The following SEMA3A variants were observed in gnomAD, a reference collection of about 807,000 sequenced individuals.
The protein encoded by SEMA3A is semaphorin 3A.
Under a neutral mutation model 97.9 loss-of-function variants are expected in SEMA3A, and 29 were observed. The ratio of observed to expected loss-of-function variants is 0.30; its 90% CI spans 0.22 to 0.40. The LOEUF (loss-of-function observed/expected upper bound fraction) is 0.40. Ranked by LOEUF, SEMA3A falls within the 10% of genes least tolerant of loss-of-function variation. The pLI, the probability that SEMA3A is intolerant of heterozygous loss-of-function variation, is 1.00. For synonymous variants in SEMA3A, 321 were observed against 323.7 expected (o/e 0.99, Z 0.09); for missense variants, 763 against 951.3 (o/e 0.80, Z 2.60).
chr7:84,105,915 T>C (rs748733710), intron 4 of SEMA3A, among the ~76,000 whole-genome samples: 1 of 152,186 alleles, frequency 6.6e-6, no homozygotes, highest in African/African-American at 2.4e-5. Flanking sequence ...ATGTGTATGA[T>C]GTATGTGACC....
At chr7:84,009,167 T>C (rs1429530529) in intron 9 of SEMA3A, among the ~76,000 whole-genome samples, 1 of 152,206 alleles carries the variant, frequency 6.6e-6, no homozygotes, top group Non-Finnish European at 1.5e-5. Flanking sequence ...CCAGAAACTC[T>C]GGAGGCAAGG....
intron 2 of SEMA3A, among the ~76,000 whole-genome samples, chr7:84,327,876 C>T (rs1038072353): frequency 2.6e-5 from 4 of 151,896 alleles, no homozygotes; most frequent in African/African-American, 4.8e-5. Context: ...TTTTCCTTTT[C>T]GCTAGATTTT....
intron 1 of SEMA3A, among the ~76,000 whole-genome samples, chr7:84,184,384 G>A (rs948751290): frequency 1.3e-5 from 2 of 152,182 alleles, no homozygotes; most frequent in African/African-American, 2.4e-5. Context: ...TGTGGTGAAA[G>A]TAAGAAACTC....
chr7:83,986,601 C>T (rs915583822), intron 12 of SEMA3A, among the ~76,000 whole-genome samples: 1 of 152,050 alleles, frequency 6.6e-6, no homozygotes, highest in Non-Finnish European at 1.5e-5. Flanking sequence ...ACAAACATTA[C>T]GAGAAGACAG....
intron 3 of SEMA3A, among the ~76,000 whole-genome samples, chr7:84,206,457 G>A (rs1431443272): frequency 1.3e-5 from 2 of 151,768 alleles, no homozygotes; most frequent in Non-Finnish European, 1.5e-5. Flanking sequence ...CAAGTAGCTG[G>A]GACTATAGGC....
intron 3 of SEMA3A, among the ~76,000 whole-genome samples, chr7:84,286,634 G>GTAAAAACTATGAGTAAAAAACTTTTA (rs1800595951): frequency 6.6e-6 from 1 of 151,990 alleles, no homozygotes; most frequent in Admixed American, 6.6e-5. Context: ...AAGATACAGG[G>GTAAAAACTATGAGTAAAAAACTTTTA]CTCAGAATAT....
At chr7:84,321,028 T>C (rs113698371) in intron 2 of SEMA3A, among the ~76,000 whole-genome samples, 4 of 152,326 alleles carry the variant, frequency 2.6e-5, no homozygotes, top group African/African-American at 9.6e-5. Flanking sequence ...TTTCATTCTT[T>C]CTTGTTGACT....
At chr7:84,459,542 T>C (rs1012488968) in intron 1 of SEMA3A, among the ~76,000 whole-genome samples, 1 of 152,156 alleles carries the variant, frequency 6.6e-6, no homozygotes, top group African/African-American at 2.4e-5. Context: ...TTCAAATCAA[T>C]AGTGTGAAGA....
chr7:84,316,916 T>C (rs1235264199), intron 2 of SEMA3A, among the ~76,000 whole-genome samples: 2 of 152,186 alleles, frequency 1.3e-5, no homozygotes, highest in Admixed American at 6.5e-5. Flanking sequence ...CTTTCACAAG[T>C]AGCAGGCTCC....
At chr7:84,058,522 C>A (rs1199594542) in intron 5 of SEMA3A, among the ~76,000 whole-genome samples, 1 of 152,130 alleles carries the variant, frequency 6.6e-6, no homozygotes, top group South Asian at 2.1e-4. Flanking sequence ...AACTTCAACA[C>A]AGAGAGTTTC....
intron 1 of SEMA3A, among the ~76,000 whole-genome samples, chr7:84,179,753 A>G (rs1323469255): frequency 3.3e-5 from 5 of 151,942 alleles, no homozygotes; most frequent in Admixed American, 2.6e-4. Context: ...GTTTTAAAAG[A>G]ACATTTTCTA....
chr7:83,988,888 C>G (rs1182394862), intron 12 of SEMA3A, among the ~76,000 whole-genome samples: 1 of 140,288 alleles, frequency 7.1e-6, no homozygotes. Flanking sequence ...CTGACAGAGT[C>G]TCGCTGTTGC....
At position 84,034,780 on chromosome 7, in the gene SEMA3A, T is replaced by G. The variant is rs944001750; in HGVS notation, c.667+11544A>C. Among the ~76,000 whole-genome samples the G allele has an allele frequency of 1.7e-4, 13 of 77,856 alleles. No homozygotes were observed. The Admixed American group carries it at 1.7e-3, about 10-fold the overall frequency. 51.1% of individuals were successfully genotyped at this position (77,856 alleles called of 152,430 possible). ...GGCAGTCCATTAATCCTATTTCCTG[T>G]TTTTTTGTCTTTTTTTTCCCCTTAT... On this transcript the variant is annotated intron_variant, in intron 6 of 16. Coordinates refer to ENST00000265362, the MANE Select transcript of SEMA3A (RefSeq NM_006080.3).
chr7:84,021,923 TG>T (rs1329328253), intron 6 of SEMA3A, among the ~76,000 whole-genome samples: 4 of 151,712 alleles, frequency 2.6e-5, no homozygotes, highest in Non-Finnish European at 5.9e-5. Flanking sequence ...TCTTTAAATT[TG>T]CTACTATTTC....
intron 1 of SEMA3A, among the ~76,000 whole-genome samples, chr7:84,464,028 T>C (rs1268065581): frequency 1.3e-5 from 2 of 152,160 alleles, no homozygotes; most frequent in Admixed American, 1.3e-4. Context: ...AAAATGTTAC[T>C]CATACTTTGA....
At chr7:84,133,842 A>G (rs1445968684) in intron 2 of SEMA3A, among the ~76,000 whole-genome samples, 1 of 146,332 alleles carries the variant, frequency 6.8e-6, no homozygotes, top group Non-Finnish European at 1.5e-5. Context: ...CTTGATCAGG[A>G]GATCGAGACC....
intron 3 of SEMA3A, among the ~76,000 whole-genome samples, chr7:84,200,346 G>A (rs35912238): frequency 0.063 from 9,564 of 152,028 alleles, 348 homozygotes; most frequent in African/African-American, 0.092. Flanking sequence ...TAATGATGGC[G>A]GTAGAGTGGA....
At chr7:84,095,358 C>CACACATATATATATATATATATATATAT (rs1211794166) in intron 4 of SEMA3A, among the ~76,000 whole-genome samples, 2 of 122,904 alleles carry the variant, frequency 1.6e-5, no homozygotes, top group East Asian at 2.2e-4. Flanking sequence ...TTTTTATATA[C>CACACATATATATATATATATATATATAT]ATATATATAT....
chr7:84,209,179 C>T (rs1798566671), intron 3 of SEMA3A, among the ~76,000 whole-genome samples: 2 of 152,252 alleles, frequency 1.3e-5, no homozygotes, highest in Admixed American at 6.5e-5. Flanking sequence ...TAGAGAAGAA[C>T]ATTGTGTAAC....
Sources: gnomAD v4.1 joint callset for allele counts (sites outside exome capture counted in the v4.1 genomes callset) on GRCh38, gnomAD v4.1.1 for gene constraint, MANE v1.5 for transcripts, NCBI Gene and HGNC (gene_info 2026-07-23, HGNC 2026-07-21) for gene names.